Variants in CACNA1C observed in about 807,000 individuals in gnomAD.
The protein encoded by CACNA1C is calcium voltage-gated channel subunit alpha1 C.
CACNA1C carries 30 observed loss-of-function variants against 229.0 expected under a neutral mutation model. The ratio of observed to expected loss-of-function variants is 0.13; its 90% CI spans 0.10 to 0.18. The LOEUF (loss-of-function observed/expected upper bound fraction) is 0.18. Ranked by LOEUF, CACNA1C falls within the 10% of genes least tolerant of loss-of-function variation. The probability of loss-of-function intolerance (pLI) is 1.00; values close to 1 mark genes in which losing one functional copy is unlikely to be tolerated. For missense variants in CACNA1C, 1,658 were observed against 2,845.0 expected, an observed-to-expected ratio of 0.58 and a Z score of 9.49; for synonymous variants, 1,114 against 1,132.5, an observed-to-expected ratio of 0.98 and a Z score of 0.33.
chr12:2,044,270 T>A (rs1017690971), intron 1 of CACNA1C, among the ~76,000 whole-genome samples: 1 of 152,202 alleles, frequency 6.6e-6, no homozygotes, highest in Non-Finnish European at 1.5e-5. Context: ...AATACATGAC[T>A]GGAAGTGTCC....
At chr12:2,003,751 T>C (rs921418329) in intron 1 of CACNA1C, among the ~76,000 whole-genome samples, 6 of 152,218 alleles carry the variant, frequency 3.9e-5, no homozygotes, top group Non-Finnish European at 8.8e-5. Context: ...TTGTCTTTTA[T>C]TTGACGAGGT....
chr12:2,248,992 A>T (rs1271178816), intron 3 of CACNA1C, among the ~76,000 whole-genome samples: 1 of 152,132 alleles, frequency 6.6e-6, no homozygotes, highest in South Asian at 2.1e-4. Flanking sequence ...AATGTTGGCT[A>T]TTATTATGGC....
chr12:2,690,151 CA>C (rs2097742476), intron 46 of CACNA1C: 1 of 152,908 alleles, frequency 6.5e-6, no homozygotes, highest in East Asian at 1.9e-4. Context: ...CCTGGAAAGG[CA>C]GCAGCAGGCA....
chr12:2,412,369 T>A (rs192383958), intron 3 of CACNA1C, among the ~76,000 whole-genome samples: 1 of 152,358 alleles, frequency 6.6e-6, no homozygotes, highest in Non-Finnish European at 1.5e-5. Flanking sequence ...TTAAGTGCTC[T>A]TCAGGCCCTC....
Position 2,607,140 on chromosome 12 carries a change from C to T in CACNA1C, c.3356+10C>T, listed in dbSNP as rs2075722266. ...TCGAAGGGTGGCCAGAGTGAGTATG[C>T]AAAGCAAGGCCCCACGAGCCCTGAC... On this transcript the variant is annotated intron_variant, in intron 26 of 46. Coordinates refer to ENST00000399655, the MANE Select transcript of CACNA1C (RefSeq NM_000719.7). 2 of 1,607,112 alleles carry T rather than the reference C, an allele frequency of 1.2e-6. No individual in the cohort carries two copies. The highest frequency in any genetic ancestry group is 2.7e-5 in the African/African-American group (2 of 74,804).
chr12:2,547,095 A>T (rs2099882717), intron 9 of CACNA1C, among the ~76,000 whole-genome samples: 1 of 152,190 alleles, frequency 6.6e-6, no homozygotes, highest in South Asian at 2.1e-4. Context: ...AAAGGGCGAC[A>T]GCTCCCTATG....
intron 1 of CACNA1C, among the ~76,000 whole-genome samples, chr12:2,090,161 A>G (rs1165124070): frequency 1.3e-5 from 2 of 152,096 alleles, no homozygotes; most frequent in Non-Finnish European, 2.9e-5. Context: ...TAGATACCTG[A>G]TGTTAAAGTG....
intron 3 of CACNA1C, among the ~76,000 whole-genome samples, chr12:2,427,668 C>T (rs184477189): frequency 6.6e-6 from 1 of 152,256 alleles, no homozygotes; most frequent in Admixed American, 6.5e-5. Flanking sequence ...GTCACCCAGG[C>T]TGCAGTGTAA....
At chr12:2,570,089 A>G (rs2053535502) in intron 13 of CACNA1C, among the ~76,000 whole-genome samples, 1 of 152,198 alleles carries the variant, frequency 6.6e-6, no homozygotes, top group Non-Finnish European at 1.5e-5. Flanking sequence ...CGTTATGATC[A>G]ACCTTAGAAG....
chr12:1,983,481 T>G (rs2036751169), intron 1 of CACNA1C, among the ~76,000 whole-genome samples: 3 of 152,168 alleles, frequency 2.0e-5, no homozygotes, highest in Non-Finnish European at 4.4e-5. Context: ...TTCTTTGACA[T>G]GACTTTTTCA....
At chr12:2,450,393 A>C (rs2099353174) in intron 4 of CACNA1C, among the ~76,000 whole-genome samples, 1 of 151,668 alleles carries the variant, frequency 6.6e-6, no homozygotes, top group Non-Finnish European at 1.5e-5. Flanking sequence ...TCTCTACTAA[A>C]AATACAAAAA....
intron 7 of CACNA1C, among the ~76,000 whole-genome samples, chr12:2,501,401 C>T (rs1372039123): frequency 1.3e-5 from 2 of 152,130 alleles, no homozygotes; most frequent in African/African-American, 2.4e-5. Context: ...CATTCCAGGG[C>T]TGTCTCAACC....
chr12:2,449,883 G>A (rs1195050562), intron 4 of CACNA1C, among the ~76,000 whole-genome samples: 1 of 152,142 alleles, frequency 6.6e-6, no homozygotes, highest in African/African-American at 2.4e-5. Flanking sequence ...AGGGTGGGGC[G>A]CACACAGGCT....
At position 2,348,939 on chromosome 12, in the gene CACNA1C, C is replaced by T. The variant is rs936553666; in HGVS notation, c.478-100037C>T. On this transcript the variant is annotated intron_variant, in intron 3 of 46. Coordinates refer to ENST00000399655, the MANE Select transcript of CACNA1C (RefSeq NM_000719.7). The surrounding 1 kb of genome is among the most constrained non-coding windows in gnomAD (Gnocchi z 4.7). ...TGGAATTCCTCTTAGAGGCAGGCAT[C>T]GACTGGCTAACTGGTATGATACTTT... Among the ~76,000 whole-genome samples, 11 of 152,236 alleles carry T rather than the reference C, an allele frequency of 7.2e-5. No individual in the cohort carries two copies. In the East Asian group the frequency reaches 9.7e-4, roughly 13 times the overall value.
intron 9 of CACNA1C, among the ~76,000 whole-genome samples, chr12:2,538,999 C>T (rs1194818781): frequency 1.3e-5 from 2 of 152,170 alleles, no homozygotes; most frequent in African/African-American, 2.4e-5. Flanking sequence ...TCAGCGACGT[C>T]GCCTGATGGG....
At position 2,630,459 on chromosome 12, in the gene CACNA1C, C is replaced by T. The variant is rs2089864619; in HGVS notation, c.3829-3838C>T. Among the ~76,000 whole-genome samples the T allele has an allele frequency of 6.6e-6, 1 of 152,064 alleles. No individual in the cohort carries two copies. The highest frequency in any genetic ancestry group is 2.4e-5 in the African/African-American group (1 of 41,392). On this transcript the variant is annotated intron_variant, in intron 29 of 46. Transcript: ENST00000399655. This position sits in a 1 kb window ranked among gnomAD's most constrained non-coding sequence, Gnocchi z 5.4. Reference sequence around the variant, plus strand: ...GGGGACCAGCAGGAAGGACCTGGGCCTTGTTTCTGGGCAGGGTGTGGTCCA... The same window carrying T: ...GGGGACCAGCAGGAAGGACCTGGGCTTTGTTTCTGGGCAGGGTGTGGTCCA...
intron 3 of CACNA1C, among the ~76,000 whole-genome samples, chr12:2,415,450 A>T (rs2098869317): frequency 6.6e-6 from 1 of 152,228 alleles, no homozygotes; most frequent in South Asian, 2.1e-4. Flanking sequence ...TGTGATCATG[A>T]AAAGGAAATA....
chr12:2,636,651 C>T (rs1227660334), intron 30 of CACNA1C, among the ~76,000 whole-genome samples: 3 of 152,168 alleles, frequency 2.0e-5, no homozygotes, highest in Non-Finnish European at 4.4e-5. Flanking sequence ...CCTCCTGGGG[C>T]CAGCTCACTT....
intron 3 of CACNA1C, among the ~76,000 whole-genome samples, chr12:2,237,137 C>T (rs1236867674): frequency 6.6e-6 from 1 of 152,100 alleles, no homozygotes; most frequent in Non-Finnish European, 1.5e-5. Context: ...AAGACCAGAC[C>T]TTATCACATG....
Sources: allele counts gnomAD v4.1 joint callset (sites outside exome capture counted in the v4.1 genomes callset), GRCh38; gene constraint gnomAD v4.1.1; non-coding constraint Gnocchi (gnomAD v3.1); transcripts MANE v1.5; gene names NCBI Gene and HGNC (gene_info 2026-07-23, HGNC 2026-07-21).